Variants in OVCH1 observed in about 807,000 individuals in gnomAD.
OVCH1 encodes the protein ovochymase-1.
A neutral mutation model predicts 138.4 loss-of-function variants in OVCH1; 139 were observed. The ratio of observed to expected loss-of-function variants is 1.00; its 90% CI spans 0.87 to 1.16. The LOEUF (loss-of-function observed/expected upper bound fraction) is 1.16. OVCH1 is among the 50% of genes most tolerant of loss of function. The pLI, the probability that OVCH1 is intolerant of heterozygous loss-of-function variation, is 0.00. For missense variants in OVCH1, 1,367 were observed against 1,357.9 expected (o/e 1.01, Z -0.11); for synonymous variants, 453 against 467.8 (o/e 0.97, Z 0.41).
intron 20 of OVCH1, 88 bp downstream of exon 20, chr12:29,455,161 T>G: frequency 7.0e-7 from 1 of 1,436,600 alleles, no homozygotes; most frequent in Non-Finnish European, 9.4e-7. Context: ...GGTTTTCTCT[T>G]TCATGCTAAT....
chr12:29,483,104 A>G (rs2136057102), intron 8 of OVCH1, among the ~76,000 whole-genome samples: 1 of 152,198 alleles, frequency 6.6e-6, no homozygotes, highest in East Asian at 1.9e-4. Flanking sequence ...CCTCCTCTTC[A>G]GTCTTCTTTG....
chr12:29,416,669 G>T (rs1941034983), intron 3 of OVCH1, among the ~76,000 whole-genome samples: 3 of 152,160 alleles, frequency 2.0e-5, no homozygotes, highest in Non-Finnish European at 4.4e-5. Context: ...TGCTAGTGAG[G>T]ATGCAGAAAA....
At chr12:29,465,032 T>C (rs1213348309) in intron 17 of OVCH1, 115 bp downstream of exon 17, 1 of 863,862 alleles carries the variant, frequency 1.2e-6, no homozygotes, top group Non-Finnish European at 1.8e-6. Flanking sequence ...AAATAATAAG[T>C]GTGAAAGGGC....
chr12:29,446,556 A>G (rs1941621100), intron 22 of OVCH1, among the ~76,000 whole-genome samples: 1 of 152,118 alleles, frequency 6.6e-6, no homozygotes. Flanking sequence ...GTTCAAGCTG[A>G]CAATTTCAAA....
chr12:29,430,990 T>C (rs546864626), intron 27 of OVCH1: 2 of 466,896 alleles, frequency 4.3e-6, no homozygotes, highest in South Asian at 3.3e-5. Context: ...GCTATGATTG[T>C]ATTTAATTTT....
chr12:29,497,385 T>C (rs1203701624), intron 1 of OVCH1, among the ~76,000 whole-genome samples: 1 of 152,190 alleles, frequency 6.6e-6, no homozygotes, highest in Non-Finnish European at 1.5e-5. Flanking sequence ...AGTACACACA[T>C]GATTAGCAGG....
chr12:29,455,341 A>AC lies in OVCH1; in HGVS notation c.2344dup (p.Val782GlyfsTer40). On this transcript the variant is annotated frameshift_variant, in exon 20 of 28. Coordinates refer to ENST00000318184, the Ensembl canonical transcript of OVCH1. LOFTEE classifies it high-confidence loss of function. ...CTGGACACAGCCAGCTCCCCAGCTG[A>AC]CAATGCCATAGAGGACAAAGGGACC... 6.2e-7 allele frequency: 1 copy of AC among 1,613,884 alleles called. No homozygotes were observed. The highest frequency in any genetic ancestry group is 2.2e-5 in the East Asian group (1 of 44,870).
intron 26 of OVCH1, among the ~76,000 whole-genome samples, chr12:29,434,336 A>AG (rs1340901966): frequency 6.6e-6 from 1 of 152,192 alleles, no homozygotes; most frequent in African/African-American, 2.4e-5. Flanking sequence ...GTTAAAAAAA[A>AG]TCTGCTCAAT....
At position 29,491,083 on chromosome 12, in the gene OVCH1, T is replaced by C. The variant is rs1169188632; in HGVS notation, c.550+14A>G. 3 of 1,602,800 alleles carry C rather than the reference T, an allele frequency of 1.9e-6. No homozygotes were observed. The African/African-American group carries it at 4.0e-5, about 21-fold the overall frequency. On this transcript the variant is annotated intron_variant, in intron 5 of 27. Transcript: ENST00000318184. ...GAGCTGGAAGAAGTATTAAGTCATT[T>C]TGGTGTCTCTTACTTTTGGAAATCT...
At chr12:29,439,166 AT>A (rs1361830459) in intron 26 of OVCH1, among the ~76,000 whole-genome samples, 2 of 149,682 alleles carry the variant, frequency 1.3e-5, no homozygotes, top group African/African-American at 4.9e-5. Flanking sequence ...TGTCCCCAAT[AT>A]ATTCACCTTC....
intron 14 of OVCH1, among the ~76,000 whole-genome samples, chr12:29,474,433 GAT>G (rs1251158519): frequency 6.6e-6 from 1 of 152,152 alleles, no homozygotes; most frequent in African/African-American, 2.4e-5. Flanking sequence ...GAATAAATGA[GAT>G]AATGCATGTG....
downstream of OVCH1, among the ~76,000 whole-genome samples, chr12:29,411,498 C>T (rs376531460): frequency 3.6e-4 from 55 of 151,912 alleles, no homozygotes; most frequent in Admixed American, 7.9e-4. Flanking sequence ...ATGTCCTTTC[C>T]GTTTGTTAGT....
At chr12:29,403,327 A>AAT in the OVCH1 span, among the ~76,000 whole-genome samples, 4 of 152,296 alleles carry the variant, frequency 2.6e-5, no homozygotes, top group East Asian at 3.9e-4. Flanking sequence ...AAGTTGTTTG[A>AAT]ATATATATAT....
intron 22 of OVCH1, among the ~76,000 whole-genome samples, chr12:29,448,566 A>T (rs1941682861): frequency 1.3e-5 from 2 of 152,088 alleles, no homozygotes; most frequent in South Asian, 4.1e-4. Context: ...GAGCTGATGG[A>T]GAGGCAGTCT....
At chr12:29,484,058 A>G in intron 8 of OVCH1, among the ~76,000 whole-genome samples, 1 of 152,340 alleles carries the variant, frequency 6.6e-6, no homozygotes, top group Middle Eastern at 3.4e-3. Context: ...TTTGTAGTAC[A>G]CTATTCAAGT....
chr12:29,440,126 A>G (rs1941448027), intron 25 of OVCH1, among the ~76,000 whole-genome samples: 1 of 152,202 alleles, frequency 6.6e-6, no homozygotes, highest in Non-Finnish European at 1.5e-5. Context: ...AGGTTGGGCT[A>G]TAAGTTCTAA....
At chr12:29,477,311 G>A (rs761242239) in intron 11 of OVCH1, 30 bp downstream of exon 11, 1 of 1,613,470 alleles carries the variant, frequency 6.2e-7, no homozygotes, top group African/African-American at 1.3e-5. Flanking sequence ...AAGGGAAAAT[G>A]GCAAGGAATT....
At chr12:29,419,468 T>A (rs5797323) in intron 3 of OVCH1, among the ~76,000 whole-genome samples, 11 of 127,552 alleles carry the variant, frequency 8.6e-5, no homozygotes, top group South Asian at 2.6e-4. Flanking sequence ...TTTTTTTTTT[T>A]AATTTTTAGT....
chr12:29,403,513 T>G, the OVCH1 span, among the ~76,000 whole-genome samples: 1 of 152,182 alleles, frequency 6.6e-6, no homozygotes, highest in South Asian at 2.1e-4. Context: ...CATTTTATAT[T>G]GCAGATTTCT....
Sources: gnomAD v4.1 joint callset for allele counts (sites outside exome capture counted in the v4.1 genomes callset) on GRCh38, gnomAD v4.1.1 for gene constraint, MANE v1.5 for transcripts, NCBI Gene and HGNC (gene_info 2026-07-23, HGNC 2026-07-21) for gene names.